TAS1R2: variants seen among roughly 807,000 people sequenced by gnomAD.
TAS1R2 encodes taste 1 receptor member 2.
Under a neutral mutation model 49.3 loss-of-function variants are expected in TAS1R2, and 47 were observed. The observed-to-expected ratio is 0.95, with a 90% CI of 0.75 to 1.22. TAS1R2 has a LOEUF of 1.22. Ranked by LOEUF, TAS1R2 falls within the 50% of genes most tolerant of loss-of-function variation. The pLI is 0.00. For missense variants in TAS1R2, 1,155 were observed against 1,122.1 expected (o/e 1.03, Z -0.42); for synonymous variants, 479 against 467.9 (o/e 1.02, Z -0.31).
rs1934098568 is a variant in TAS1R2, at chr1:18,854,605, G to A, written c.865C>T (p.Leu289=). ...ACGGCGCCAGTGAAGTTCTGGCGCA[G>A]CACCTCATTGAAGAAGTGGTACAGG... The change falls in exon 3 of 6, where the codon CTG becomes TTG. Residue 289 remains leucine, a synonymous_variant. Transcript: ENST00000375371. The surrounding 1 kb of genome is among the most constrained non-coding windows in gnomAD (Gnocchi z 4.9). 6.2e-7 allele frequency: 1 copy of A among 1,613,934 alleles called. No homozygotes were observed. Among genetic ancestry groups the A allele is most frequent in the Admixed American group, 1.7e-5 (1 of 60,010 alleles).
At chr1:18,849,349 T>G (rs749904370) in exon 4 of TAS1R2, 1 of 1,613,958 alleles carries the variant, frequency 6.2e-7, no homozygotes, top group South Asian at 1.1e-5. Context: ...ACCGTGTTGT[T>G]GATGGTGTGC....
chr1:18,844,280 C>T (rs932792688), intron 4 of TAS1R2, among the ~76,000 whole-genome samples: 5 of 152,160 alleles, frequency 3.3e-5, no homozygotes, highest in African/African-American at 1.2e-4. Flanking sequence ...TATGGAATGG[C>T]TTGGCTGGTT....
In TAS1R2 at chr1:18,854,508, G is replaced by T; in HGVS notation, c.962C>A (p.Thr321Asn). ...GCTCTGGATGGTGATGCCCAGGAAG[G>T]TGCCCAAGTGGCGCAGCTCCGTGAG... is the stretch of plus-strand genomic sequence containing the variant. The change falls in exon 3 of 6, where the codon ACC (threonine) becomes AAC (asparagine). Residue 321 changes from threonine to asparagine, a missense_variant. Transcript: ENST00000375371. The surrounding 1 kb of genome is among the most constrained non-coding windows in gnomAD (Gnocchi z 4.9). The T allele has an allele frequency of 6.2e-7, 1 of 1,614,014 alleles. No homozygotes were observed. The highest frequency in any genetic ancestry group is 1.1e-5 in the South Asian group (1 of 91,082).
chr1:18,848,036 A>G (rs749691494), intron 4 of TAS1R2, among the ~76,000 whole-genome samples: 13 of 152,188 alleles, frequency 8.5e-5, no homozygotes, highest in Admixed American at 2.0e-4. Context: ...TCATGATTCA[A>G]TTATCTCACA....
At chr1:18,850,941 C>T (rs777305040) in intron 3 of TAS1R2, among the ~76,000 whole-genome samples, 3 of 152,350 alleles carry the variant, frequency 2.0e-5, no homozygotes, top group African/African-American at 7.2e-5. Context: ...TCAGCCTCTT[C>T]GCTGCCCCAG....
rs151155647 is a variant in TAS1R2 at position 18,850,898 on chromosome 1, C to T, written c.1258-1348G>A. 5.6e-3 allele frequency among the ~76,000 whole-genome samples: 853 copies of T among 152,346 alleles called. 5 individuals are homozygous for T. Among genetic ancestry groups the T allele is most frequent in the South Asian group, 7.9e-3 (38 of 4,824 alleles). On this transcript the variant is annotated intron_variant, in intron 3 of 5. Transcript: ENST00000375371. Reference sequence around the variant, plus strand: ...CACACTCTCTCCTGAGGCCAGCACTCGGTGTCAGAGAAGAGGAAGAGGAGG... The same window carrying T: ...CACACTCTCTCCTGAGGCCAGCACTTGGTGTCAGAGAAGAGGAAGAGGAGG...
At position 18,854,383 on chromosome 1, in the gene TAS1R2, A is replaced by T. The variant is rs1187001294; in HGVS notation, c.1087T>A (p.Cys363Ser). 1 of 1,613,660 alleles carries T rather than the reference A, an allele frequency of 6.2e-7. No homozygotes were observed. Among genetic ancestry groups the T allele is most frequent in the Non-Finnish European group, 8.5e-7 (1 of 1,179,926 alleles). Residue 363 changes from cysteine (C) to serine (S), a missense_variant, in exon 3 of 6, where the codon TGC (cysteine) becomes AGC (serine). By Grantham distance (112) the Cys-to-Ser change is moderately radical (BLOSUM62 -1). Coordinates refer to ENST00000375371, the Ensembl canonical transcript of TAS1R2. This position sits in a 1 kb window ranked among gnomAD's most constrained non-coding sequence, Gnocchi z 4.9. ...AAGGTGGCGTTCAGGCAGTTGTCGC[A>T]CTCCTGGTTGCAGGTATAGCTCTGG... is the stretch of plus-strand genomic sequence containing the variant.
intron 3 of TAS1R2, among the ~76,000 whole-genome samples, chr1:18,850,037 G>A (rs6666162): frequency 0.37 from 56,572 of 151,522 alleles, 10,835 homozygotes; most frequent in East Asian, 0.44. Flanking sequence ...ACCTGCAAAG[G>A]CCAATTGGGG....
exon 6 of TAS1R2, chr1:18,839,757 C>T: frequency 1.2e-6 from 2 of 1,614,192 alleles, no homozygotes; most frequent in Admixed American, 1.7e-5. Flanking sequence ...ACGATGGTGA[C>T]CAGCACCCCG....
At chr1:18,853,735 C>T (rs1186071030) in intron 3 of TAS1R2, among the ~76,000 whole-genome samples, 2 of 152,162 alleles carry the variant, frequency 1.3e-5, no homozygotes, top group Non-Finnish European at 2.9e-5. Context: ...CTCAGTAAAA[C>T]CTTCTATATC....
intron 1 of TAS1R2, 140 bp downstream of exon 1, chr1:18,859,339 C>T (rs573926174): frequency 9.3e-7 from 1 of 1,076,162 alleles, no homozygotes; most frequent in African/African-American, 1.6e-5. Flanking sequence ...GGCATGGATC[C>T]AGAATAAGGG....
chr1:18,845,930 G>A (rs1933912127), intron 4 of TAS1R2, among the ~76,000 whole-genome samples: 1 of 152,204 alleles, frequency 6.6e-6, no homozygotes, highest in East Asian at 1.9e-4. Context: ...ATGAATATCA[G>A]TGACAACTTT....
At chr1:18,843,768 C>A (rs1933869507) in intron 4 of TAS1R2, among the ~76,000 whole-genome samples, 1 of 152,210 alleles carries the variant, frequency 6.6e-6, no homozygotes, top group African/African-American at 2.4e-5. Context: ...CTCTTGGAGT[C>A]CTGCTGGGCC....
intron 3 of TAS1R2, among the ~76,000 whole-genome samples, chr1:18,850,571 T>C (rs7416107): frequency 0.12 from 18,736 of 152,328 alleles, 1,353 homozygotes; most frequent in Middle Eastern, 0.2. Context: ...AGGATCAGGA[T>C]GGCGGAGGCC....
intron 4 of TAS1R2, 52 bp downstream of exon 4, chr1:18,849,289 G>A (rs1933976774): frequency 1.3e-6 from 2 of 1,599,850 alleles, no homozygotes; most frequent in East Asian, 2.2e-5. Flanking sequence ...ACTCCAGCAA[G>A]GGCCCCAGGC....
chr1:18,852,515 G>A (rs1032018761), intron 3 of TAS1R2, among the ~76,000 whole-genome samples: 1 of 152,326 alleles, frequency 6.6e-6, no homozygotes, highest in South Asian at 2.1e-4. Context: ...GGTGGGCTGG[G>A]CTCCCTGCCT....
rs553107029 is a variant in TAS1R2, at chr1:18,857,413, C to T, written c.401G>A (p.Arg134His). 5.1e-5 allele frequency: 82 copies of T among 1,614,178 alleles called. No homozygotes were observed. Among genetic ancestry groups the T allele is most frequent in the South Asian group, 2.3e-4 (21 of 91,076 alleles). Residue 134 changes from arginine to histidine, a missense_variant, in exon 2 of 6, where the codon CGT becomes CAT. Arg to His is a conservative substitution (Grantham distance 29, BLOSUM62 0). Transcript: ENST00000375371. ...GTCAGGGCCAATGACAGCCACCACACGGGAAATGTAGTTACTGTAGTCCTC... is the reference window on the plus strand; with the variant it reads ...GTCAGGGCCAATGACAGCCACCACATGGGAAATGTAGTTACTGTAGTCCTC...
exon 6 of TAS1R2, chr1:18,840,263 G>A (rs530492529): frequency 4.0e-5 from 64 of 1,614,022 alleles, no homozygotes; most frequent in South Asian, 6.6e-5. Flanking sequence ...CACGTACACC[G>A]GGACCACCAT....
chr1:18,858,499 T>G (rs916444511), intron 1 of TAS1R2: 1 of 151,742 alleles, frequency 6.6e-6, no homozygotes, highest in African/African-American at 2.4e-5. Flanking sequence ...AACGCAACCA[T>G]CACCATTATC....
Sources: allele counts gnomAD v4.1 joint callset (sites outside exome capture counted in the v4.1 genomes callset), GRCh38; gene constraint gnomAD v4.1.1; non-coding constraint Gnocchi (gnomAD v3.1); transcripts MANE v1.5; gene names NCBI Gene and HGNC (gene_info 2026-07-23, HGNC 2026-07-21).